Variants in ELF1 observed in about 807,000 individuals in gnomAD.
ELF1 encodes E74 like ETS transcription factor 1.
ELF1 carries 24 observed loss-of-function variants against 59.9 expected under a neutral mutation model. The observed-to-expected ratio is 0.40, with a 90% CI of 0.29 to 0.56. ELF1 has a LOEUF of 0.56. Among genes scored for constraint, ELF1 ranks in the 20% least tolerant of loss-of-function variants. The pLI is 0.44. For missense variants in ELF1, 627 were observed against 742.2 expected (o/e 0.84, Z 1.80); for synonymous variants, 248 against 266.2 (o/e 0.93, Z 0.67).
chr13:40,981,116 T>C (rs1196606842), intron 2 of ELF1, among the ~76,000 whole-genome samples: 5 of 151,624 alleles, frequency 3.3e-5, no homozygotes, highest in African/African-American at 1.2e-4. Flanking sequence ...CATATTATAA[T>C]TGGCCTATTA....
intron 1 of ELF1, among the ~76,000 whole-genome samples, chr13:40,997,349 C>T (rs1324157096): frequency 1.3e-5 from 2 of 152,058 alleles, no homozygotes; most frequent in Non-Finnish European, 2.9e-5. Context: ...CCTCCACCTC[C>T]TAGGTTCAAG....
chr13:40,946,441 G>C (rs1870513962), intron 5 of ELF1, among the ~76,000 whole-genome samples: 1 of 152,096 alleles, frequency 6.6e-6, no homozygotes, highest in East Asian at 1.9e-4. Flanking sequence ...CCACTCATCT[G>C]TTTCCTGTCA....
chr13:40,988,106 A>G (rs1004808808), intron 1 of ELF1, among the ~76,000 whole-genome samples: 2 of 152,200 alleles, frequency 1.3e-5, no homozygotes, highest in Admixed American at 6.5e-5. Context: ...CTATTATAAC[A>G]TGGTAGAAGG....
intron 1 of ELF1, among the ~76,000 whole-genome samples, chr13:41,035,512 G>A (rs1023109177): frequency 6.6e-6 from 1 of 151,614 alleles, no homozygotes; most frequent in Non-Finnish European, 1.5e-5. Context: ...TCACTTTCCT[G>A]ACTTAATCTA....
intron 1 of ELF1, among the ~76,000 whole-genome samples, chr13:41,038,066 T>TAAAAAAAAAAAAAAAAAAA (rs4053825): frequency 7.9e-6 from 1 of 126,608 alleles, no homozygotes; most frequent in Admixed American, 8.0e-5. Flanking sequence ...GAAGAAACCT[T>TAAAAAAAAAAAAAAAAAAA]AAAAAAAAAA....
chr13:41,035,561 C>A (rs1876339631), intron 1 of ELF1, among the ~76,000 whole-genome samples: 1 of 151,838 alleles, frequency 6.6e-6, no homozygotes, highest in South Asian at 2.1e-4. Flanking sequence ...GTATGGTAGC[C>A]CTGTTTAGGA....
chr13:41,011,137 T>C (rs1268815678), intron 1 of ELF1, among the ~76,000 whole-genome samples: 1 of 152,228 alleles, frequency 6.6e-6, no homozygotes, highest in Admixed American at 6.5e-5. Flanking sequence ...CCAGTAAATC[T>C]GGTTAGATTC....
intron 1 of ELF1, among the ~76,000 whole-genome samples, chr13:41,001,727 C>T (rs962601014): frequency 2.0e-5 from 3 of 152,074 alleles, no homozygotes; most frequent in African/African-American, 7.2e-5. Context: ...AATGTAAAGC[C>T]AGATGCAGTG....
Position 40,959,035 on chromosome 13 carries a change from A to G in ELF1, c.73-19T>C. ...CACCAAGCTGGGAAGGGTTAGGGAG[A>G]GGAAAATGAAAACAAAGGATTAACA... On this transcript the variant is annotated intron_variant, in intron 2 of 8. Transcript: ENST00000239882. The G allele has an allele frequency of 6.4e-7, 1 of 1,573,470 alleles. No homozygotes were observed. Among genetic ancestry groups the G allele is most frequent in the Non-Finnish European group, 8.6e-7 (1 of 1,161,940 alleles).
At chr13:41,051,530 T>A (rs1283244290) in intron 1 of ELF1, among the ~76,000 whole-genome samples, 1 of 151,954 alleles carries the variant, frequency 6.6e-6, no homozygotes, top group Non-Finnish European at 1.5e-5. Flanking sequence ...AATGTTTGAT[T>A]AAAACTGAAA....
chr13:40,969,450 T>C (rs749606996), intron 2 of ELF1, among the ~76,000 whole-genome samples: 2 of 152,168 alleles, frequency 1.3e-5, no homozygotes, highest in African/African-American at 2.4e-5. Flanking sequence ...TCCTTACTTG[T>C]AAAATGGGGA....
At chr13:40,956,455 G>A (rs966850865) in intron 3 of ELF1, among the ~76,000 whole-genome samples, 3 of 151,332 alleles carry the variant, frequency 2.0e-5, no homozygotes, top group Non-Finnish European at 2.9e-5. Flanking sequence ...AGGGTCCTCT[G>A]CCTAGGAAAA....
intron 1 of ELF1, among the ~76,000 whole-genome samples, chr13:41,010,630 T>C (rs1875010970): frequency 6.6e-6 from 1 of 152,136 alleles, no homozygotes; most frequent in Non-Finnish European, 1.5e-5. Context: ...TAGTAAAATA[T>C]ATGCATATAA....
intron 5 of ELF1, among the ~76,000 whole-genome samples, chr13:40,947,552 C>A (rs1224048631): frequency 6.6e-6 from 1 of 152,134 alleles, no homozygotes; most frequent in Admixed American, 6.5e-5. Context: ...CCTGTCTTAA[C>A]CTGGGTTTAC....
At chr13:41,035,498 T>G (rs1014532193) in intron 1 of ELF1, among the ~76,000 whole-genome samples, 2 of 152,116 alleles carry the variant, frequency 1.3e-5, no homozygotes, top group Non-Finnish European at 2.9e-5. Context: ...CCAAGGCCAC[T>G]TTCTCACTTT....
At chr13:41,058,439 C>T (rs1480888686) in intron 1 of ELF1, among the ~76,000 whole-genome samples, 2 of 152,138 alleles carry the variant, frequency 1.3e-5, no homozygotes, top group African/African-American at 2.4e-5. Context: ...TGAGCAGAAC[C>T]GATTCCTCAC....
At position 40,982,175 on chromosome 13, in the gene ELF1, A is replaced by G. The variant is rs1409225190; in HGVS notation, c.-121T>C. ...TCAGCTCTGTCTGTGGAGTAATTGT[A>G]TACCCAAGTTTTCTTTAGGGAAGGT... On this transcript the variant is annotated 5_prime_UTR_variant, in exon 2 of 9. Transcript: ENST00000239882. 7.4e-7 allele frequency: 1 copy of G among 1,352,202 alleles called. No homozygotes were observed. The highest frequency in any genetic ancestry group is 9.5e-7 in the Non-Finnish European group (1 of 1,047,294). The allele number at this position is 1,352,202 out of a possible 1,614,324, so 83.8% of individuals were successfully genotyped here.
At chr13:40,952,170 G>T (rs757354327) in intron 3 of ELF1, among the ~76,000 whole-genome samples, 6 of 151,986 alleles carry the variant, frequency 3.9e-5, no homozygotes, top group African/African-American at 7.2e-5. Context: ...TTTGGATTTT[G>T]CCAACTATAT....
chr13:40,957,417 T>C (rs532616669), intron 3 of ELF1, among the ~76,000 whole-genome samples: 5 of 142,990 alleles, frequency 3.5e-5, no homozygotes, highest in African/African-American at 1.3e-4. Flanking sequence ...GTATACAGCA[T>C]GTATAAAGAA....
Sources: allele counts gnomAD v4.1 joint callset (sites outside exome capture counted in the v4.1 genomes callset), GRCh38; gene constraint gnomAD v4.1.1; transcripts MANE v1.5; gene names NCBI Gene and HGNC (gene_info 2026-07-23, HGNC 2026-07-21).